AUTS2: variants seen among roughly 807,000 people sequenced by gnomAD.
The protein encoded by AUTS2 is autism susceptibility gene 2 protein.
AUTS2 carries 17 observed loss-of-function variants against 112.4 expected under a neutral mutation model. That is an observed-to-expected ratio of 0.15 (90% CI 0.10 to 0.23). The LOEUF (loss-of-function observed/expected upper bound fraction) is 0.23, where lower values mean the gene tolerates loss of function less well. Among genes scored for constraint, AUTS2 ranks in the 10% least tolerant of loss-of-function variants. The pLI, the probability that AUTS2 is intolerant of heterozygous loss-of-function variation, is 1.00. For missense variants in AUTS2, 1,510 were observed against 1,701.6 expected, an observed-to-expected ratio of 0.89 and a Z score of 1.98; for synonymous variants, 751 against 702.7, an observed-to-expected ratio of 1.07 and a Z score of -1.09.
intron 2 of AUTS2, among the ~76,000 whole-genome samples, chr7:70,079,223 G>A (rs1420505138): frequency 2.0e-5 from 3 of 152,100 alleles, no homozygotes; most frequent in African/African-American, 7.2e-5. Flanking sequence ...TGTGACAAAA[G>A]GATTGTACTT....
intron 5 of AUTS2, among the ~76,000 whole-genome samples, chr7:70,600,231 T>A (rs1043008734): frequency 1.3e-5 from 2 of 152,238 alleles, no homozygotes; most frequent in Non-Finnish European, 2.9e-5. Flanking sequence ...CTTTAAAGTG[T>A]ACAATTCAGT....
At chr7:69,729,730 T>G (rs1786696828) in intron 1 of AUTS2, among the ~76,000 whole-genome samples, 1 of 152,122 alleles carries the variant, frequency 6.6e-6, no homozygotes. Context: ...AAGGTGCATT[T>G]TGTTTTTTCC....
chr7:70,666,339 T>A (rs1421846116), intron 5 of AUTS2, among the ~76,000 whole-genome samples: 1 of 152,198 alleles, frequency 6.6e-6, no homozygotes, highest in Non-Finnish European at 1.5e-5. Context: ...TATACAGAGC[T>A]TAGTGGCATG....
intron 4 of AUTS2, among the ~76,000 whole-genome samples, chr7:70,268,537 G>C (rs1787543557): frequency 6.6e-6 from 1 of 152,074 alleles, no homozygotes; most frequent in Admixed American, 6.6e-5. Context: ...AGTAGGATGG[G>C]GTTTCTGGGT....
chr7:70,595,717 G>A (rs1234511636), intron 5 of AUTS2, among the ~76,000 whole-genome samples: 1 of 152,232 alleles, frequency 6.6e-6, no homozygotes, highest in Non-Finnish European at 1.5e-5. Flanking sequence ...TTCATTCAGA[G>A]CATCTTCCGG....
At chr7:69,718,609 T>A (rs1798748153) in intron 1 of AUTS2, among the ~76,000 whole-genome samples, 1 of 152,212 alleles carries the variant, frequency 6.6e-6, no homozygotes, top group African/African-American at 2.4e-5. Flanking sequence ...ACCCTGACAA[T>A]CCAGGATAAT....
intron 5 of AUTS2, among the ~76,000 whole-genome samples, chr7:70,548,099 T>C (rs1238750940): frequency 2.0e-5 from 3 of 152,322 alleles, no homozygotes; most frequent in East Asian, 3.9e-4. Context: ...TTTGTTTCCT[T>C]TGCATTTCCG....
intron 4 of AUTS2, among the ~76,000 whole-genome samples, chr7:70,236,897 T>G (rs1303344654): frequency 6.6e-6 from 1 of 152,240 alleles, no homozygotes; most frequent in Non-Finnish European, 1.5e-5. Flanking sequence ...GCCTCTAGAA[T>G]AATAATTGTT....
At chr7:70,626,119 G>A (rs1245634838) in intron 5 of AUTS2, among the ~76,000 whole-genome samples, 1 of 151,816 alleles carries the variant, frequency 6.6e-6, no homozygotes, top group Non-Finnish European at 1.5e-5. Context: ...CACCATATTG[G>A]TCAGGCTGGT....
chr7:70,781,373 A>AG (rs1791061785), intron 14 of AUTS2: 1 of 344,098 alleles, frequency 2.9e-6, no homozygotes, highest in Non-Finnish European at 5.1e-6. Context: ...ACAAAAAAAA[A>AG]AAAAAAAAAA....
At chr7:70,111,717 A>G (rs1210118067) in intron 2 of AUTS2, among the ~76,000 whole-genome samples, 1 of 152,168 alleles carries the variant, frequency 6.6e-6, no homozygotes, top group Admixed American at 6.5e-5. Flanking sequence ...ATTTTGGCAC[A>G]AGTTAGCTTT....
chr7:69,972,426 G>T (rs1797885304), intron 2 of AUTS2, among the ~76,000 whole-genome samples: 1 of 152,078 alleles, frequency 6.6e-6, no homozygotes, highest in African/African-American at 2.4e-5. Context: ...CTCTTTCAGA[G>T]TCTTCCTCAG....
At chr7:70,383,787 A>T (rs897261740) in intron 4 of AUTS2, among the ~76,000 whole-genome samples, 1 of 152,246 alleles carries the variant, frequency 6.6e-6, no homozygotes, top group Admixed American at 6.5e-5. Flanking sequence ...AACAGACTGC[A>T]GCCTCTTAGG....
intron 5 of AUTS2, among the ~76,000 whole-genome samples, chr7:70,681,520 TATATA>T (rs1157799118): frequency 1.5e-5 from 2 of 134,674 alleles, no homozygotes; most frequent in African/African-American, 5.3e-5. Context: ...CATATATATA[TATATA>T]TTTTTTTTTT....
At chr7:70,706,643 C>A (rs1337060211) in intron 6 of AUTS2, among the ~76,000 whole-genome samples, 1 of 152,172 alleles carries the variant, frequency 6.6e-6, no homozygotes, top group Non-Finnish European at 1.5e-5. Context: ...CCCTAATAGC[C>A]ATTTGGTTGG....
intron 4 of AUTS2, among the ~76,000 whole-genome samples, chr7:70,147,423 C>T (rs1055892852): frequency 2.0e-5 from 3 of 151,942 alleles, no homozygotes; most frequent in African/African-American, 7.2e-5. Context: ...TCAGCTGAGT[C>T]TCTACCTCAC....
chr7:70,436,424 T>G (rs1019081885), intron 5 of AUTS2: 1 of 152,270 alleles, frequency 6.6e-6, no homozygotes, highest in Non-Finnish European at 1.5e-5. Context: ...GTTTCTGAGG[T>G]TCCAGAAGAT....
intron 6 of AUTS2, among the ~76,000 whole-genome samples, chr7:70,737,280 C>T (rs1322140964): frequency 1.3e-5 from 2 of 152,188 alleles, no homozygotes; most frequent in African/African-American, 4.8e-5. Flanking sequence ...TGGGCATCAG[C>T]CTGCCCCTTC....
intron 2 of AUTS2, among the ~76,000 whole-genome samples, chr7:69,986,548 C>T (rs1798522439): frequency 6.6e-6 from 1 of 152,192 alleles, no homozygotes; most frequent in Non-Finnish European, 1.5e-5. Context: ...AATGTTACTG[C>T]TCTTGGCCAA....
Sources: allele counts gnomAD v4.1 joint callset (sites outside exome capture counted in the v4.1 genomes callset), GRCh38; gene constraint gnomAD v4.1.1; transcripts MANE v1.5; gene names NCBI Gene and HGNC (gene_info 2026-07-23, HGNC 2026-07-21).